The following MAGI1 variants were observed in gnomAD, a reference collection of about 807,000 sequenced individuals.
The protein encoded by MAGI1 is membrane associated guanylate kinase, WW and PDZ domain containing 1.
Under a neutral mutation model 139.9 loss-of-function variants are expected in MAGI1, and 58 were observed. The observed-to-expected ratio is 0.41, with a 90% CI of 0.34 to 0.52. MAGI1 has a LOEUF of 0.52. MAGI1 is among the 20% of genes least tolerant of loss of function. The pLI is 0.12. For synonymous variants in MAGI1, 812 were observed against 737.9 expected (o/e 1.10, Z -1.63); for missense variants, 1,874 against 1,901.6 (o/e 0.99, Z 0.27).
In MAGI1 at chr3:65,379,375, C is replaced by A; in HGVS notation, c.2881G>T (p.Val961Leu). The change falls in exon 17 of 23, where the codon GTG becomes TTG. Residue 961 changes from valine to leucine, a missense_variant. Val to Leu is a conservative substitution (Grantham distance 32). Coordinates refer to ENST00000402939, the MANE Select transcript of MAGI1 (RefSeq NM_001033057.2). ...TAGGGCTGCACCACGGTGCTGACCA[C>A]GCCGCTGCCCCCGCCGCCGCCACTG... ...IGSGGGGGSGVVSTVVQPYDV... is the reference protein window; with the variant it reads ...IGSGGGGGSGLVSTVVQPYDV... 1 of 1,612,386 alleles carries A rather than the reference C, an allele frequency of 6.2e-7. No individual in the cohort carries two copies. The highest frequency in any genetic ancestry group is 8.5e-7 in the Non-Finnish European group (1 of 1,179,086).
intron 2 of MAGI1, among the ~76,000 whole-genome samples, chr3:65,577,192 G>A (rs529661210): frequency 2.0e-5 from 3 of 152,196 alleles, no homozygotes; most frequent in Non-Finnish European, 4.4e-5. Context: ...GGCAGAGCTG[G>A]ACTAGAGTGA....
chr3:65,479,770 A>AC (rs1038669984), intron 3 of MAGI1, among the ~76,000 whole-genome samples: 2 of 152,118 alleles, frequency 1.3e-5, no homozygotes, highest in Non-Finnish European at 2.9e-5. Flanking sequence ...AAAGTAAGCT[A>AC]TTTTTTTAAA....
At chr3:65,976,959 T>G (rs1291395162) in intron 1 of MAGI1, among the ~76,000 whole-genome samples, 1 of 152,184 alleles carries the variant, frequency 6.6e-6, no homozygotes, top group African/African-American at 2.4e-5. Context: ...CTCTTACAGG[T>G]ATTTTCAAGC....
chr3:65,759,446 T>C (rs1037904384), intron 1 of MAGI1, among the ~76,000 whole-genome samples: 7 of 152,200 alleles, frequency 4.6e-5, no homozygotes, highest in African/African-American at 1.7e-4. Context: ...TTATTCTTAT[T>C]ACTGGGATCT....
chr3:65,489,634 G>A (rs1358948597), intron 3 of MAGI1, among the ~76,000 whole-genome samples: 1 of 152,118 alleles, frequency 6.6e-6, no homozygotes, highest in Non-Finnish European at 1.5e-5. Flanking sequence ...CATTCACTGG[G>A]ACACTATGCA....
rs11373923 is a variant in MAGI1, at chr3:65,621,015, G to GTT, written c.430+955_430+956dup. 1.8e-3 allele frequency among the ~76,000 whole-genome samples: 264 copies of GTT among 150,564 alleles called. 1 individual carries two copies. The highest frequency in any genetic ancestry group is 1.9e-3 in the South Asian group (9 of 4,762). On this transcript the variant is annotated intron_variant, in intron 2 of 22. Coordinates refer to ENST00000402939, the MANE Select transcript of MAGI1 (RefSeq NM_001033057.2). ...TAGCACTCTAGCATATCATTTGCAAGTTTTTTTTTTAAAAGAAAACCATTT... is the reference window on the plus strand; with the variant it reads ...TAGCACTCTAGCATATCATTTGCAAGTTTTTTTTTTTTAAAAGAAAACCATTT...
intron 9 of MAGI1, among the ~76,000 whole-genome samples, chr3:65,439,618 A>G (rs1948103564): frequency 6.6e-6 from 1 of 152,210 alleles, no homozygotes; most frequent in Non-Finnish European, 1.5e-5. Context: ...TTCCTCCCCC[A>G]TCAGAAAGTT....
intron 1 of MAGI1, among the ~76,000 whole-genome samples, chr3:65,659,059 A>G (rs769739446): frequency 3.9e-5 from 6 of 152,148 alleles, no homozygotes; most frequent in Admixed American, 1.3e-4. Context: ...TTCCTATTTT[A>G]TAGAAGAAAA....
chr3:65,395,636 C>CAAAAAAAA (rs58806140), intron 13 of MAGI1, among the ~76,000 whole-genome samples: 1,172 of 19,112 alleles, frequency 0.061, 269 homozygotes, highest in South Asian at 0.15. Flanking sequence ...GACTCCATCT[C>CAAAAAAAA]AAAAAAAAAA....
rs534241476 is a variant in MAGI1 at position 66,005,466 on chromosome 3, C to A, written c.313+32530G>T. Among the ~76,000 whole-genome samples the A allele has an allele frequency of 3.9e-5, 6 of 152,254 alleles. No individual in the cohort carries two copies. In the South Asian group the frequency reaches 6.2e-4, roughly 16 times the overall value. On this transcript the variant is annotated intron_variant, in intron 1 of 22. Transcript: ENST00000402939. ...AACACCATTCCCATCAGGATAATAT[C>A]CTCATCTTATAAGTAACAGCCTCAT...
intron 1 of MAGI1, among the ~76,000 whole-genome samples, chr3:65,833,589 C>T (rs1030165115): frequency 2.6e-5 from 4 of 152,244 alleles, no homozygotes; most frequent in African/African-American, 9.6e-5. Context: ...GTGTAATCAT[C>T]GACGACTTAC....
chr3:65,549,452 G>GGAGCCCAGGC, intron 2 of MAGI1: 1 of 985,186 alleles, frequency 1.0e-6, no homozygotes, highest in Non-Finnish European at 1.2e-6. Flanking sequence ...GGTCACTGCC[G>GGAGCCCAGGC]GAGCCCAGGC....
chr3:65,975,341 T>C (rs1346644464), intron 1 of MAGI1, among the ~76,000 whole-genome samples: 1 of 152,196 alleles, frequency 6.6e-6, no homozygotes, highest in Non-Finnish European at 1.5e-5. Context: ...CACAAAATAA[T>C]CTGTCATTTC....
At chr3:65,530,853 A>ACAC (rs1376943776) in intron 2 of MAGI1, among the ~76,000 whole-genome samples, 1 of 128,990 alleles carries the variant, frequency 7.8e-6, no homozygotes, top group Non-Finnish European at 1.6e-5. Flanking sequence ...ACACACACAC[A>ACAC]CATATATATA....
At chr3:66,035,527 T>C (rs1355870735) in intron 1 of MAGI1, among the ~76,000 whole-genome samples, 1 of 152,202 alleles carries the variant, frequency 6.6e-6, no homozygotes, top group Non-Finnish European at 1.5e-5. Context: ...AAATGGTTTC[T>C]AGGGCCATCA....
intron 2 of MAGI1, among the ~76,000 whole-genome samples, chr3:65,544,939 A>G (rs1276502809): frequency 2.0e-5 from 3 of 152,186 alleles, no homozygotes; most frequent in Non-Finnish European, 4.4e-5. Flanking sequence ...GCATGTTACC[A>G]TTTGCTAATA....
At chr3:65,854,056 C>A (rs542942020) in intron 1 of MAGI1, among the ~76,000 whole-genome samples, 1 of 151,728 alleles carries the variant, frequency 6.6e-6, no homozygotes, top group East Asian at 1.9e-4. Context: ...TGCAGTGAGC[C>A]AAGATCATGC....
chr3:65,601,879 A>T (rs1255435024), intron 2 of MAGI1, among the ~76,000 whole-genome samples: 3 of 152,194 alleles, frequency 2.0e-5, no homozygotes, highest in Non-Finnish European at 4.4e-5. Context: ...TTGTATCCAG[A>T]ATATGTGAAA....
At chr3:65,957,634 C>T (rs1232139809) in intron 1 of MAGI1, among the ~76,000 whole-genome samples, 2 of 151,876 alleles carry the variant, frequency 1.3e-5, no homozygotes, top group Non-Finnish European at 2.9e-5. Context: ...AGAATCCATA[C>T]TGAGTGAATC....
Sources: gnomAD v4.1 joint callset for allele counts (sites outside exome capture counted in the v4.1 genomes callset) on GRCh38, gnomAD v4.1.1 for gene constraint, MANE v1.5 for transcripts, NCBI Gene and HGNC (gene_info 2026-07-23, HGNC 2026-07-21) for gene names.